Variants in GPC6 observed in about 807,000 individuals in gnomAD.
GPC6 encodes glypican-6.
In GPC6, 14 loss-of-function variants were observed where a neutral mutation model predicts 55.2. The observed-to-expected ratio is 0.25, with a 90% CI of 0.17 to 0.40. The LOEUF (loss-of-function observed/expected upper bound fraction) is 0.40, where lower values mean the gene tolerates loss of function less well. GPC6 is among the 10% of genes least tolerant of loss of function. The pLI is 1.00. For missense variants in GPC6, 641 were observed against 708.5 expected (o/e 0.90, Z 1.08); for synonymous variants, 278 against 259.6 (o/e 1.07, Z -0.68).
rs551999797 is a variant in GPC6, at chr13:94,005,611, T to C, written c.712-22118T>C. The stretch of plus-strand genomic sequence containing the variant: ...ACAACTACTGATCAGTCACATGATA[T>C]CAACAAGCCAATTTAGTTCCTAGGA... On this transcript the variant is annotated intron_variant, in intron 3 of 8. Transcript: ENST00000377047. Among the ~76,000 whole-genome samples, 19 of 152,346 alleles carry C rather than the reference T, an allele frequency of 1.2e-4. No homozygotes were observed. In the South Asian group the frequency reaches 3.5e-3, roughly 28 times the overall value.
At chr13:93,870,735 A>G (rs1889106645) in intron 3 of GPC6, among the ~76,000 whole-genome samples, 1 of 151,850 alleles carries the variant, frequency 6.6e-6, no homozygotes, top group Non-Finnish European at 1.5e-5. Flanking sequence ...GTGAACCTAC[A>G]TGGAGAAGAC....
At chr13:94,094,485 A>C (rs1885597394) in intron 4 of GPC6, among the ~76,000 whole-genome samples, 1 of 152,180 alleles carries the variant, frequency 6.6e-6, no homozygotes, top group Admixed American at 6.5e-5. Flanking sequence ...CAAACTGGTA[A>C]GTCACGAAAG....
At chr13:94,107,177 G>A (rs2138834386) in intron 4 of GPC6, among the ~76,000 whole-genome samples, 1 of 152,292 alleles carries the variant, frequency 6.6e-6, no homozygotes, top group East Asian at 1.9e-4. Flanking sequence ...AGGGACTGAA[G>A]AAGTGAAAAT....
intron 3 of GPC6, among the ~76,000 whole-genome samples, chr13:94,001,571 T>C (rs112623101): frequency 4.1e-4 from 62 of 152,312 alleles, no homozygotes; most frequent in South Asian, 3.5e-3. Flanking sequence ...ATTATGACTA[T>C]ATTTAAACAA....
chr13:93,240,926 T>C (rs1346447797), intron 1 of GPC6, among the ~76,000 whole-genome samples: 1 of 152,152 alleles, frequency 6.6e-6, no homozygotes, highest in Non-Finnish European at 1.5e-5. Context: ...ACAAAATTCT[T>C]GGTGACCATT....
chr13:93,803,728 G>A (rs7317144), intron 2 of GPC6, among the ~76,000 whole-genome samples: 45,477 of 152,046 alleles, frequency 0.3, 6,928 homozygotes, highest in African/African-American at 0.33. Flanking sequence ...TGGAGTAACC[G>A]TACAGTGGAA....
At chr13:93,902,464 A>G (rs1876413436) in intron 3 of GPC6, among the ~76,000 whole-genome samples, 2 of 152,154 alleles carry the variant, frequency 1.3e-5, no homozygotes, top group African/African-American at 2.4e-5. Context: ...ATTGGTGGAC[A>G]GACACTTCGG....
chr13:93,946,744 C>T (rs1333502500), intron 3 of GPC6, among the ~76,000 whole-genome samples: 5 of 152,182 alleles, frequency 3.3e-5, no homozygotes, highest in Admixed American at 3.3e-4. Context: ...TTCTGCTGGG[C>T]AGCTAGGGCA....
At chr13:93,795,757 G>A (rs906194637) in intron 2 of GPC6, among the ~76,000 whole-genome samples, 1 of 152,102 alleles carries the variant, frequency 6.6e-6, no homozygotes, top group East Asian at 1.9e-4. Flanking sequence ...GGTTCAAGAA[G>A]GCTCTTCACT....
At chr13:93,531,868 C>T (rs752868885) in intron 1 of GPC6, among the ~76,000 whole-genome samples, 1 of 152,126 alleles carries the variant, frequency 6.6e-6, no homozygotes, top group African/African-American at 2.4e-5. Context: ...AAGTTGGATA[C>T]CACCACCCTC....
At chr13:93,769,249 CAG>C (rs1356906388) in intron 2 of GPC6, among the ~76,000 whole-genome samples, 2 of 152,078 alleles carry the variant, frequency 1.3e-5, no homozygotes, top group Non-Finnish European at 2.9e-5. Flanking sequence ...TCAGAGAAGA[CAG>C]AGCAAAGTAA....
At chr13:93,710,689 C>T (rs983111478) in intron 2 of GPC6, among the ~76,000 whole-genome samples, 3 of 110,012 alleles carry the variant, frequency 2.7e-5, no homozygotes, top group African/African-American at 1.1e-4. Context: ...CATTTAAAGT[C>T]CCCCCCCCCA....
At chr13:94,048,533 C>G (rs1000978101) in intron 4 of GPC6, among the ~76,000 whole-genome samples, 1 of 151,834 alleles carries the variant, frequency 6.6e-6, no homozygotes, top group South Asian at 2.1e-4. Flanking sequence ...TCAGCTTCAA[C>G]GATAATTCAT....
chr13:94,021,260 G>GTGTATATA lies in GPC6; in HGVS notation c.712-6468_712-6467insGTATATAT, dbSNP rs148143866. On this transcript the variant is annotated intron_variant, in intron 3 of 8. Transcript: ENST00000377047. The stretch of plus-strand genomic sequence containing the variant: ...TCTGCTAGGTGTATGTTCATTGTGT[G>GTGTATATA]TATATATATATATATATATACTTTT... Among the ~76,000 whole-genome samples, 6 of 146,272 alleles carry GTGTATATA rather than the reference G, an allele frequency of 4.1e-5. No individual in the cohort carries two copies. The South Asian group carries it at 6.5e-4, about 16-fold the overall frequency.
chr13:93,925,080 C>T (rs1877782844), intron 3 of GPC6, among the ~76,000 whole-genome samples: 1 of 152,120 alleles, frequency 6.6e-6, no homozygotes, highest in Non-Finnish European at 1.5e-5. Flanking sequence ...CAGCACAGTG[C>T]TACTGTGCAT....
intron 3 of GPC6, among the ~76,000 whole-genome samples, chr13:93,933,881 G>T (rs928989685): frequency 6.6e-6 from 1 of 152,102 alleles, no homozygotes; most frequent in South Asian, 2.1e-4. Flanking sequence ...CATCTAAACC[G>T]CAGCCCCTTC....
intron 2 of GPC6, among the ~76,000 whole-genome samples, chr13:93,806,777 T>G (rs1258254726): frequency 6.6e-6 from 1 of 152,210 alleles, no homozygotes; most frequent in African/African-American, 2.4e-5. Flanking sequence ...ATTAATTCTA[T>G]TACTTTGTAT....
chr13:94,164,704 G>A (rs1222544984), intron 4 of GPC6, among the ~76,000 whole-genome samples: 1 of 152,096 alleles, frequency 6.6e-6, no homozygotes, highest in Non-Finnish European at 1.5e-5. Context: ...AACAGGGATA[G>A]AATAACTTAA....
intron 1 of GPC6, among the ~76,000 whole-genome samples, chr13:93,475,602 G>A (rs942027490): frequency 2.6e-5 from 4 of 152,194 alleles, no homozygotes; most frequent in Non-Finnish European, 5.9e-5. Flanking sequence ...TGTGGCTTTA[G>A]CAAGGGAAAA....
Sources: allele counts gnomAD v4.1 joint callset (sites outside exome capture counted in the v4.1 genomes callset), GRCh38; gene constraint gnomAD v4.1.1; transcripts MANE v1.5; gene names NCBI Gene and HGNC (gene_info 2026-07-23, HGNC 2026-07-21).